The following KCNH5 variants were observed in gnomAD, a reference collection of about 807,000 sequenced individuals.
The protein encoded by KCNH5 is potassium voltage-gated channel subfamily H member 5.
A neutral mutation model predicts 96.1 loss-of-function variants in KCNH5; 46 were observed. The ratio of observed to expected loss-of-function variants is 0.48; its 90% CI spans 0.38 to 0.61. KCNH5 has a LOEUF of 0.61. KCNH5 is among the 20% of genes least tolerant of loss of function. KCNH5 has a pLI of 0.00. For missense variants in KCNH5, 907 were observed against 1,225.8 expected (o/e 0.74, Z 3.88); for synonymous variants, 439 against 449.8 (o/e 0.98, Z 0.30).
intron 9 of KCNH5, among the ~76,000 whole-genome samples, chr14:62,801,181 C>T (rs534155578): frequency 2.4e-4 from 36 of 151,770 alleles, no homozygotes; most frequent in African/African-American, 8.7e-4. Flanking sequence ...GTGGATTTTG[C>T]TTTTGTAGTT....
intron 7 of KCNH5, among the ~76,000 whole-genome samples, chr14:62,888,797 C>G (rs1595671492): frequency 6.6e-6 from 1 of 152,124 alleles, no homozygotes; most frequent in East Asian, 1.9e-4. Flanking sequence ...GGACCTGTAT[C>G]CCTCTTCCTA....
chr14:62,950,629 A>T, intron 6 of KCNH5, 70 bp from the exon 7 acceptor site: 1 of 1,231,280 alleles, frequency 8.1e-7, no homozygotes, highest in Non-Finnish European at 1.1e-6. Flanking sequence ...AAACAATACA[A>T]TGGCTCACCT....
intron 10 of KCNH5, among the ~76,000 whole-genome samples, chr14:62,727,029 T>C (rs573924169): frequency 6.6e-6 from 1 of 152,150 alleles, no homozygotes; most frequent in South Asian, 2.1e-4. Context: ...ATTCAGATAA[T>C]TCTAAAAATA....
intron 7 of KCNH5, among the ~76,000 whole-genome samples, chr14:62,928,818 T>G (rs1248851446): frequency 6.6e-6 from 1 of 152,102 alleles, no homozygotes; most frequent in African/African-American, 2.4e-5. Flanking sequence ...TTTTGCTGGT[T>G]TCACCTCATC....
At chr14:63,007,711 C>T (rs1446950443) in intron 2 of KCNH5, among the ~76,000 whole-genome samples, 2 of 152,056 alleles carry the variant, frequency 1.3e-5, no homozygotes, top group Non-Finnish European at 2.9e-5. Context: ...ACATATAATG[C>T]ATTGACATTC....
At chr14:62,925,863 G>T (rs1356934518) in intron 7 of KCNH5, among the ~76,000 whole-genome samples, 1 of 151,978 alleles carries the variant, frequency 6.6e-6, no homozygotes, top group Non-Finnish European at 1.5e-5. Context: ...AAAGAAGAAA[G>T]AAATTCCCAC....
In KCNH5 at chr14:62,903,336, A is replaced by T. The variant is rs1284514046; in HGVS notation, c.1369+46797T>A. 2.0e-5 allele frequency among the ~76,000 whole-genome samples: 3 copies of T among 152,302 alleles called. No individual in the cohort carries two copies. The South Asian group carries it at 6.2e-4, about 32-fold the overall frequency. Reference sequence around the variant, plus strand: ...GTATTATGCTAAAAATCTCAGGGTGAAAATATGTCAAATGTTCATTATGGA... The same window carrying T: ...GTATTATGCTAAAAATCTCAGGGTGTAAATATGTCAAATGTTCATTATGGA... On this transcript the variant is annotated intron_variant, in intron 7 of 10. Transcript: ENST00000322893.
intron 7 of KCNH5, among the ~76,000 whole-genome samples, chr14:62,928,912 A>G (rs1889527148): frequency 2.0e-5 from 3 of 152,070 alleles, no homozygotes; most frequent in Non-Finnish European, 4.4e-5. Context: ...AGGAGGGTTC[A>G]ACCAGTCTCA....
At chr14:62,747,739 C>T (rs768728965) in intron 10 of KCNH5, among the ~76,000 whole-genome samples, 5 of 152,156 alleles carry the variant, frequency 3.3e-5, no homozygotes, top group Non-Finnish European at 5.9e-5. Context: ...ACATCACAAC[C>T]CCTACCTGTT....
At chr14:63,034,998 T>C (rs952261055) in intron 1 of KCNH5, among the ~76,000 whole-genome samples, 1 of 152,166 alleles carries the variant, frequency 6.6e-6, no homozygotes, top group South Asian at 2.1e-4. Context: ...CATAACATCA[T>C]AATACAACAG....
intron 8 of KCNH5, among the ~76,000 whole-genome samples, chr14:62,810,982 T>C (rs1886861756): frequency 6.6e-6 from 1 of 152,056 alleles, no homozygotes; most frequent in South Asian, 2.1e-4. Flanking sequence ...GCAGAAACCC[T>C]GACCCAACGG....
At chr14:62,839,125 A>G (rs1887523885) in intron 8 of KCNH5, among the ~76,000 whole-genome samples, 1 of 152,328 alleles carries the variant, frequency 6.6e-6, no homozygotes, top group South Asian at 2.1e-4. Context: ...TAGACTACAA[A>G]TGTTATTATA....
In KCNH5 at chr14:62,705,346, C is replaced by T. The variant is rs758928694; in HGVS notation, c.*2162G>A. 1.3e-5 allele frequency: 2 copies of T among 151,988 alleles called. No homozygotes were observed. The highest frequency in any genetic ancestry group is 2.9e-5 in the Non-Finnish European group (2 of 67,874). The allele number at this position is 151,988 out of a possible 1,614,324, so 9.4% of individuals were successfully genotyped here. ...TAATCAGATTCTTATTTTAACCACA[C>T]ATTCACCTTTAAAAGCTTAAGCCAA... On this transcript the variant is annotated 3_prime_UTR_variant, in exon 11 of 11. Transcript: ENST00000322893.
chr14:62,773,212 A>C (rs771867018), intron 10 of KCNH5, among the ~76,000 whole-genome samples: 3 of 152,226 alleles, frequency 2.0e-5, no homozygotes. Flanking sequence ...GAACTTAGGC[A>C]ATCACTTAAT....
intron 10 of KCNH5, among the ~76,000 whole-genome samples, chr14:62,709,913 C>A: frequency 6.6e-6 from 1 of 152,130 alleles, no homozygotes; most frequent in Non-Finnish European, 1.5e-5. Flanking sequence ...TTTTATCACT[C>A]AAGGAAAATA....
chr14:62,828,623 C>G (rs569156364), intron 8 of KCNH5, among the ~76,000 whole-genome samples: 1 of 152,110 alleles, frequency 6.6e-6, no homozygotes, highest in South Asian at 2.1e-4. Flanking sequence ...CATGAGAGAA[C>G]AGCATGGAGG....
chr14:62,973,895 G>T (rs998445660), intron 6 of KCNH5, among the ~76,000 whole-genome samples: 1 of 152,132 alleles, frequency 6.6e-6, no homozygotes, highest in Non-Finnish European at 1.5e-5. Context: ...AAGGGAAAAA[G>T]AGGATTCTAA....
intron 7 of KCNH5, among the ~76,000 whole-genome samples, chr14:62,929,466 G>T (rs1889539052): frequency 6.6e-6 from 1 of 151,980 alleles, no homozygotes; most frequent in Non-Finnish European, 1.5e-5. Context: ...GAATGCTCTA[G>T]AAGTCTCCAT....
At chr14:62,960,165 T>A (rs1250415875) in intron 6 of KCNH5, among the ~76,000 whole-genome samples, 1 of 152,216 alleles carries the variant, frequency 6.6e-6, no homozygotes, top group African/African-American at 2.4e-5. Context: ...TCTATAATTC[T>A]TTCTTGCCCA....
Sources: allele counts gnomAD v4.1 joint callset (sites outside exome capture counted in the v4.1 genomes callset), GRCh38; gene constraint gnomAD v4.1.1; transcripts MANE v1.5; gene names NCBI Gene and HGNC (gene_info 2026-07-23, HGNC 2026-07-21).